The following SLC43A2 variants were observed in gnomAD, a reference collection of about 807,000 sequenced individuals.
SLC43A2 encodes solute carrier family 43 member 2, also known as large neutral amino acids transporter small subunit 4.
Under a neutral mutation model 63.2 loss-of-function variants are expected in SLC43A2, and 38 were observed. That is an observed-to-expected ratio of 0.60 (90% CI 0.46 to 0.79). The LOEUF (loss-of-function observed/expected upper bound fraction) is 0.79. SLC43A2 is among the 30% of genes least tolerant of loss of function. The pLI, the probability that SLC43A2 is intolerant of heterozygous loss-of-function variation, is 0.00. For missense variants in SLC43A2, 644 were observed against 756.2 expected (o/e 0.85, Z 1.74); for synonymous variants, 322 against 331.0 (o/e 0.97, Z 0.30).
intron 3 of SLC43A2, 143 bp from the exon 4 acceptor site, chr17:1,615,177 G>A (rs907465763): frequency 2.0e-5 from 18 of 901,648 alleles, no homozygotes; most frequent in Non-Finnish European, 3.0e-5. Flanking sequence ...GCGCGATCTC[G>A]GCTCACTGCA....
intron 2 of SLC43A2, among the ~76,000 whole-genome samples, chr17:1,623,976 G>A (rs1181803634): frequency 2.6e-5 from 4 of 152,144 alleles, no homozygotes; most frequent in Admixed American, 6.6e-5. Context: ...CCACATCTCC[G>A]CTGCTGTTCT....
At position 1,576,660 on chromosome 17, in the gene SLC43A2, G is replaced by A. The variant is rs367734486; in HGVS notation, c.1485C>T (p.Phe495=). 37 of 1,610,826 alleles carry A rather than the reference G, an allele frequency of 2.3e-5. No homozygotes were observed. The highest frequency in any genetic ancestry group is 5.3e-5 in the African/African-American group (4 of 74,930). ...GAAACAGCGGCTGCTGCAGAAGGGC[G>A]AAGAGCGCGCTGATCAGAGACTGCA... ...TGLQSLISAL[F]ALLQQPLFLA... The change falls in exon 13 of 14, where the codon TTC becomes TTT. Residue 495 remains phenylalanine, a synonymous_variant. Coordinates refer to ENST00000301335, the MANE Select transcript of SLC43A2 (RefSeq NM_152346.3).
chr17:1,604,174 G>A lies in SLC43A2; in HGVS notation c.501+9021C>T, dbSNP rs1041299880. ...TCCTGCCTCAGCCTCCCGAGTAGCT[G>A]GGATTACAGGCATGTGCCACTACGC... On this transcript the variant is annotated intron_variant, in intron 5 of 13. Coordinates refer to ENST00000301335, the MANE Select transcript of SLC43A2 (RefSeq NM_152346.3). Among the ~76,000 whole-genome samples, 102 of 127,026 alleles carry A rather than the reference G, an allele frequency of 8.0e-4. 1 individual carries two copies. Among genetic ancestry groups the A allele is most frequent in the Admixed American group, 1.4e-3 (16 of 11,156 alleles). 83.3% of individuals were successfully genotyped at this position (127,026 alleles called of 152,430 possible). A position where few individuals can be genotyped will look rare whatever the true frequency, so the allele number is the denominator to read the frequency against.
chr17:1,604,873 C>G, intron 5 of SLC43A2: 2 of 1,535,560 alleles, frequency 1.3e-6, no homozygotes, highest in Non-Finnish European at 1.7e-6. Flanking sequence ...CTCGCTCACT[C>G]CGTCCCCAGC....
intron 3 of SLC43A2, among the ~76,000 whole-genome samples, chr17:1,615,660 A>ATGTG (rs1244462252): frequency 0.071 from 10,571 of 149,240 alleles, 573 homozygotes; most frequent in East Asian, 0.21. Flanking sequence ...TGGCTAACAC[A>ATGTG]GTGAAACCCC....
intron 5 of SLC43A2, among the ~76,000 whole-genome samples, chr17:1,599,144 T>C (rs1228007220): frequency 6.6e-6 from 1 of 151,840 alleles, no homozygotes; most frequent in Non-Finnish European, 1.5e-5. Context: ...ATCGAGACCA[T>C]CCTGGCCAAC....
intron 5 of SLC43A2, among the ~76,000 whole-genome samples, chr17:1,594,542 C>G (rs571570439): frequency 5.9e-5 from 9 of 152,188 alleles, no homozygotes; most frequent in Admixed American, 2.6e-4. Flanking sequence ...TCCCCTCCAC[C>G]CTCCCCACCA....
intron 13 of SLC43A2, 67 bp downstream of exon 13, chr17:1,576,530 C>T (rs1322485930): frequency 2.6e-5 from 40 of 1,532,728 alleles, no homozygotes; most frequent in Non-Finnish European, 3.3e-5. Context: ...CCGAGGGGGA[C>T]CTTGCAGCTC....
chr17:1,619,083 T>A (rs1053388161), intron 2 of SLC43A2, among the ~76,000 whole-genome samples: 5 of 151,358 alleles, frequency 3.3e-5, no homozygotes, highest in African/African-American at 1.2e-4. Context: ...GGTGGGTGGA[T>A]CACCTAAGGC....
At position 1,591,667 on chromosome 17, in the gene SLC43A2, G is replaced by A. The variant is rs894577201; in HGVS notation, c.627C>T (p.Val209=). The change falls in exon 7 of 14, where the codon GTC becomes GTT. Residue 209 remains valine (V), a synonymous_variant. Coordinates refer to ENST00000301335, the MANE Select transcript of SLC43A2 (RefSeq NM_152346.3). ...AGCAGCCGGCCCAGACCACGAGGAC[G>A]ACGATGAAGGAGACACCAGCATCAT... ...LIYDAGVSFI[V]VLVVWAGCSG... is the part of the protein sequence containing the mutation. 19 of 1,420,388 alleles carry A rather than the reference G, an allele frequency of 1.3e-5. No homozygotes were observed. The highest frequency in any genetic ancestry group is 2.1e-5 in the Admixed American group (1 of 47,506). The allele number at this position is 1,420,388 out of a possible 1,614,324, so 88.0% of individuals were successfully genotyped here. A position where few individuals can be genotyped will look rare whatever the true frequency, so the allele number is the denominator to read the frequency against.
chr17:1,600,152 A>ATATATATATATTTTTTT (rs1216616243), intron 5 of SLC43A2, among the ~76,000 whole-genome samples: 23 of 60,280 alleles, frequency 3.8e-4, no homozygotes, highest in African/African-American at 1.1e-3. Flanking sequence ...ATATATATAT[A>ATATATATATATTTTTTT]TTTTTTTTTT....
chr17:1,596,389 T>G (rs1365545795), intron 5 of SLC43A2, among the ~76,000 whole-genome samples: 2 of 151,208 alleles, frequency 1.3e-5, no homozygotes, highest in Admixed American at 6.6e-5. Flanking sequence ...TTTGGAAGGC[T>G]GGGGCAGCGG....
intron 5 of SLC43A2, among the ~76,000 whole-genome samples, chr17:1,597,502 A>AAAAG (rs780489207): frequency 1.4e-3 from 201 of 139,414 alleles, no homozygotes; most frequent in Non-Finnish European, 2.6e-3. Context: ...AAGACTCAAA[A>AAAAG]AAAAAAAAGA....
rs140381861 is a variant in SLC43A2, at chr17:1,623,138, C to T, written c.160+4577G>A. Among the ~76,000 whole-genome samples, 1,449 of 152,262 alleles carry T rather than the reference C, an allele frequency of 9.5e-3. 7 individuals carry two copies. Among genetic ancestry groups the T allele is most frequent in the Non-Finnish European group, 0.016 (1,061 of 68,016 alleles). ...CCCATCCCCCAAGAAAAGAGGTCCT[C>T]GAGGCAGCAGAGAAATCTCCTGTCC... On this transcript the variant is annotated intron_variant, in intron 2 of 13. Transcript: ENST00000301335.
Position 1,605,130 on chromosome 17 carries a change from C to T in SLC43A2, c.501+8065G>A. ...CCCGCCCTCAGGTGCTTCCCACAGC[C>T]CCCTCGCCGCCTCTGCCTCCGTGCG... On this transcript the variant is annotated intron_variant, in intron 5 of 13. Coordinates refer to ENST00000301335, the MANE Select transcript of SLC43A2 (RefSeq NM_152346.3). This position sits in a 1 kb window ranked among gnomAD's most constrained non-coding sequence, Gnocchi z 4.9. 1.5e-6 allele frequency: 2 copies of T among 1,291,110 alleles called. No homozygotes were observed. Among genetic ancestry groups the T allele is most frequent in the Non-Finnish European group, 2.0e-6 (2 of 1,011,960 alleles). The allele number at this position is 1,291,110 out of a possible 1,614,324, so 80.0% of individuals were successfully genotyped here.
rs972210807 is a variant in SLC43A2, at chr17:1,593,865, G to A, written c.502-586C>T. ...TTTCTTTTCTTTGTTTTGAGATGGGGTTTTGCTCTTGTTCCCCAGGCTGGA... is the reference window on the plus strand; with the variant it reads ...TTTCTTTTCTTTGTTTTGAGATGGGATTTTGCTCTTGTTCCCCAGGCTGGA... On this transcript the variant is annotated intron_variant, in intron 5 of 13. Transcript: ENST00000301335. The surrounding 1 kb of genome is among the most constrained non-coding windows in gnomAD (Gnocchi z 5.3). 1.3e-5 allele frequency among the ~76,000 whole-genome samples: 2 copies of A among 152,032 alleles called. No homozygotes were observed. The highest frequency in any genetic ancestry group is 2.9e-5 in the Non-Finnish European group (2 of 68,004).
chr17:1,595,164 C>T (rs978561281), intron 5 of SLC43A2, among the ~76,000 whole-genome samples: 1 of 151,936 alleles, frequency 6.6e-6, no homozygotes, highest in Admixed American at 6.6e-5. Context: ...GCCTATAATC[C>T]CAGCTACTTG....
chr17:1,588,991 C>T (rs969889729), intron 9 of SLC43A2, among the ~76,000 whole-genome samples: 1 of 152,226 alleles, frequency 6.6e-6, no homozygotes, highest in Non-Finnish European at 1.5e-5. Flanking sequence ...CACGAGTGTG[C>T]GGAAAGTGAC....
At chr17:1,628,717 T>C (rs1483387013) in intron 1 of SLC43A2, 77 bp downstream of exon 1, 1 of 151,726 alleles carries the variant, frequency 6.6e-6, no homozygotes, top group Non-Finnish European at 1.5e-5. Flanking sequence ...CCACGTTTTC[T>C]CCCTACGCCC....
Sources: gnomAD v4.1 joint callset for allele counts (sites outside exome capture counted in the v4.1 genomes callset) on GRCh38, gnomAD v4.1.1 for gene constraint, Gnocchi (gnomAD v3.1) non-coding constraint, MANE v1.5 for transcripts, NCBI Gene and HGNC (gene_info 2026-07-23, HGNC 2026-07-21) for gene names.